Variants in SOS2 observed in about 807,000 individuals in gnomAD.
SOS2 encodes the protein son of sevenless homolog 2.
A neutral mutation model predicts 148.2 loss-of-function variants in SOS2; 65 were observed. The observed-to-expected ratio is 0.44, with a 90% CI of 0.36 to 0.54. The LOEUF (loss-of-function observed/expected upper bound fraction) is 0.54, where lower values mean the gene tolerates loss of function less well. Ranked by LOEUF, SOS2 falls within the 20% of genes least tolerant of loss-of-function variation. The pLI, the probability that SOS2 is intolerant of heterozygous loss-of-function variation, is 0.00. For missense variants in SOS2, 1,341 were observed against 1,590.2 expected, an observed-to-expected ratio of 0.84 and a Z score of 2.67; for synonymous variants, 539 against 537.1, an observed-to-expected ratio of 1.00 and a Z score of -0.05.
chr14:50,158,631 C>T lies in SOS2; in HGVS notation c.1868G>A (p.Arg623His), dbSNP rs138459515. The change falls in exon 11 of 23, where the codon CGT becomes CAT. Residue 623 changes from arginine (R) to histidine (H), a missense_variant. By Grantham distance (29) the Arg-to-His change is conservative (BLOSUM62 0). Around this residue, in one of 4 missense-constraint regions of SOS2, gnomAD observed 408 missense variants for 506.6 expected, o/e 0.81. Coordinates refer to ENST00000216373, the MANE Select transcript of SOS2 (RefSeq NM_006939.4). ...TGAACGATATGTGGTAAGAAAAGTA[C>T]GAACAAAATTGGGATCTGAAAAGGC... Reference protein sequence around the residue: ...YHMYADPNFVRTFLTTYRSFC... With the variant: ...YHMYADPNFVHTFLTTYRSFC... 2.2e-4 allele frequency: 359 copies of T among 1,605,662 alleles called. No homozygotes were observed. Among genetic ancestry groups the T allele is most frequent in the Non-Finnish European group, 3.0e-4 (351 of 1,174,836 alleles).
chr14:50,198,686 G>A (rs1475953323), intron 4 of SOS2, among the ~76,000 whole-genome samples: 1 of 152,168 alleles, frequency 6.6e-6, no homozygotes, highest in Non-Finnish European at 1.5e-5. Context: ...TTTCATTTAG[G>A]CATTTTCTCT....
intron 11 of SOS2, among the ~76,000 whole-genome samples, chr14:50,157,895 C>T (rs1884870006): frequency 1.3e-5 from 2 of 152,044 alleles, no homozygotes; most frequent in African/African-American, 2.4e-5. Context: ...CAACCCAACA[C>T]TAATTTTTAA....
chr14:50,144,091 C>T (rs1434053128), intron 16 of SOS2, among the ~76,000 whole-genome samples: 1 of 151,992 alleles, frequency 6.6e-6, no homozygotes, highest in Non-Finnish European at 1.5e-5. Context: ...TAGATTATTT[C>T]TAGGGAAATA....
chr14:50,168,507 C>T (rs1342338963), intron 8 of SOS2, among the ~76,000 whole-genome samples: 1 of 152,206 alleles, frequency 6.6e-6, no homozygotes, highest in Non-Finnish European at 1.5e-5. Context: ...CAGACATGAG[C>T]CACTGTGCCT....
chr14:50,152,975 AAG>A, intron 13 of SOS2, 93 bp downstream of exon 13: 1 of 624,970 alleles, frequency 1.6e-6, no homozygotes, highest in Non-Finnish European at 2.8e-6. Flanking sequence ...AAAAAAAAAA[AAG>A]AGAGAGAAAT....
chr14:50,178,236 T>C (rs1012929265), intron 7 of SOS2, among the ~76,000 whole-genome samples: 4 of 152,288 alleles, frequency 2.6e-5, no homozygotes, highest in African/African-American at 9.6e-5. Context: ...CTTCCTTTAA[T>C]GCTGTTCTTG....
At position 50,185,417 on chromosome 14, in the gene SOS2, C is replaced by A. The variant is rs539976864; in HGVS notation, c.715-2811G>T. 2.0e-5 allele frequency among the ~76,000 whole-genome samples: 3 copies of A among 152,154 alleles called. No individual in the cohort carries two copies. The South Asian group carries it at 6.2e-4, about 32-fold the overall frequency. On this transcript the variant is annotated intron_variant, in intron 5 of 22. Transcript: ENST00000216373. ...GTGTGAAGATTAGAGAGGGGTCAGG[C>A]GCGGTGGCTCATGCCTATAATCCCA...
intron 7 of SOS2, among the ~76,000 whole-genome samples, chr14:50,178,711 TACACACATATACACACAC>T (rs1885621430): frequency 1.7e-5 from 2 of 120,432 alleles, no homozygotes; most frequent in Non-Finnish European, 3.3e-5. Context: ...TATATATATA[TACACACATATACACACAC>T]ATATATATAT....
chr14:50,169,408 G>A lies in SOS2; in HGVS notation c.1068+5046C>T, dbSNP rs145210189. Among the ~76,000 whole-genome samples, 1,000 of 152,210 alleles carry A rather than the reference G, an allele frequency of 6.6e-3. 12 individuals are homozygous for A. Among genetic ancestry groups the A allele is most frequent in the African/African-American group, 0.023 (938 of 41,510 alleles). The stretch of plus-strand genomic sequence containing the variant: ...CCAGCACTTTGGGAGGCCGAAGGCA[G>A]GTGGATCACTTGAGGTCAGGAGTTT... On this transcript the variant is annotated intron_variant, in intron 8 of 22. Transcript: ENST00000216373.
chr14:50,162,603 T>C (rs1885045190), intron 8 of SOS2, among the ~76,000 whole-genome samples: 2 of 152,214 alleles, frequency 1.3e-5, no homozygotes, highest in Non-Finnish European at 2.9e-5. Context: ...CTTTGTTATA[T>C]AACATAATCA....
intron 4 of SOS2, among the ~76,000 whole-genome samples, chr14:50,197,568 G>A (rs925505354): frequency 4.2e-5 from 6 of 143,094 alleles, no homozygotes; most frequent in Admixed American, 3.5e-4. Flanking sequence ...AAGCGTCCAG[G>A]TTATAGAAGT....
intron 13 of SOS2, 92 bp downstream of exon 13, chr14:50,152,978 A>T: frequency 1.6e-6 from 1 of 625,974 alleles, no homozygotes; most frequent in Non-Finnish European, 2.8e-6. Context: ...AAAAAAAAAG[A>T]GAGAGAAATG....
In SOS2 at chr14:50,173,716, C is replaced by T. The variant is rs1166635490; in HGVS notation, c.1068+738G>A. The stretch of plus-strand genomic sequence containing the variant: ...GATTACAGGCGTGAACCACCGCGCC[C>T]GGCAGTAGTCAGCTTTTATCCACAA... On this transcript the variant is annotated intron_variant, in intron 8 of 22. Coordinates refer to ENST00000216373, the MANE Select transcript of SOS2 (RefSeq NM_006939.4). 5.3e-5 allele frequency among the ~76,000 whole-genome samples: 8 copies of T among 152,050 alleles called. No homozygotes were observed. In the South Asian group the frequency reaches 6.2e-4, roughly 12 times the overall value.
At chr14:50,197,840 C>T (rs1240533298) in intron 4 of SOS2, among the ~76,000 whole-genome samples, 1 of 151,960 alleles carries the variant, frequency 6.6e-6, no homozygotes, top group Non-Finnish European at 1.5e-5. Flanking sequence ...AGGCATATGC[C>T]ACCATGCCCA....
Position 50,118,504 on chromosome 14 carries a change from C to T in SOS2, c.3839G>A (p.Ser1280Asn), listed in dbSNP as rs572041424. 8 of 1,614,124 alleles carry T rather than the reference C, an allele frequency of 5.0e-6. No individual in the cohort carries two copies. In the East Asian group the frequency reaches 8.9e-5, roughly 18 times the overall value. ...VPRRCYVLSS[S>N]QNNLAHPPAP... ...TGGAGGATGAGCAAGATTATTCTGA[C>T]TAGAACTGAGCACATAGCATCGACG... Residue 1280 changes from serine to asparagine, a missense_variant, in exon 23 of 23, where the codon AGT (serine) becomes AAT (asparagine). Transcript: ENST00000216373.
chr14:50,142,751 C>T (rs1361238799), intron 16 of SOS2, among the ~76,000 whole-genome samples: 1 of 152,198 alleles, frequency 6.6e-6, no homozygotes, highest in Admixed American at 6.5e-5. Context: ...TTTTCTGCTA[C>T]TACAACTAAT....
chr14:50,189,997 C>T (rs1382736967), intron 4 of SOS2, among the ~76,000 whole-genome samples: 6 of 151,536 alleles, frequency 4.0e-5, no homozygotes, highest in African/African-American at 1.2e-4. Flanking sequence ...TACAGGTGCA[C>T]GCCACCATGC....
At chr14:50,140,242 A>G (rs1212725856) in intron 16 of SOS2, among the ~76,000 whole-genome samples, 183 bp from the exon 17 acceptor site, 1 of 152,208 alleles carries the variant, frequency 6.6e-6, no homozygotes, top group East Asian at 1.9e-4. Flanking sequence ...ATCTATAAAT[A>G]TAAAACCCAT....
rs369718243 is a variant in SOS2, at chr14:50,138,780, T to C, written c.2790A>G (p.Ile930Met). ...CGGTCTTCAGAATATTTGTTAAATA[T>C]ATTCCTAGTAAAAAAAAAAAAAGAA... is the stretch of plus-strand genomic sequence containing the variant. ...INPPCVPFFGIYLTNILKTEE... is the reference protein window; with the variant it reads ...INPPCVPFFGMYLTNILKTEE... Residue 930 changes from isoleucine (I) to methionine (M), a missense_variant, in exon 18 of 23, where the codon ATA becomes ATG. Around this residue, in one of 4 missense-constraint regions of SOS2, gnomAD observed 408 missense variants for 506.6 expected, o/e 0.81. Coordinates refer to ENST00000216373, the MANE Select transcript of SOS2 (RefSeq NM_006939.4). The C allele has an allele frequency of 3.6e-6, 3 of 828,842 alleles. No individual in the cohort carries two copies. The African/African-American group carries it at 5.6e-5, about 16-fold the overall frequency. The allele number at this position is 828,842 out of a possible 1,614,324, so 51.3% of individuals were successfully genotyped here. A position where few individuals can be genotyped will look rare whatever the true frequency, so the allele number is the denominator to read the frequency against.
Sources: gnomAD v4.1 joint callset for allele counts (sites outside exome capture counted in the v4.1 genomes callset) on GRCh38, gnomAD v4.1.1 for gene constraint, gnomAD v4.1.1 regional missense constraint, MANE v1.5 for transcripts, NCBI Gene and HGNC (gene_info 2026-07-23, HGNC 2026-07-21) for gene names.